Variants in DIAPH3 observed in about 807,000 individuals in gnomAD.
The protein encoded by DIAPH3 is protein diaphanous homolog 3.
DIAPH3 carries 117 observed loss-of-function variants against 144.3 expected under a neutral mutation model. The ratio of observed to expected loss-of-function variants is 0.81; its 90% CI spans 0.70 to 0.95. DIAPH3 has a LOEUF of 0.95. Ranked by LOEUF, DIAPH3 falls within the 40% of genes least tolerant of loss-of-function variation. The pLI is 0.00. For synonymous variants in DIAPH3, 519 were observed against 488.9 expected, an observed-to-expected ratio of 1.06 and a Z score of -0.81; for missense variants, 1,421 against 1,412.7, an observed-to-expected ratio of 1.01 and a Z score of -0.09.
intron 4 of DIAPH3, among the ~76,000 whole-genome samples, chr13:60,071,756 C>G (rs1475547324): frequency 2.0e-5 from 3 of 152,200 alleles, no homozygotes; most frequent in Admixed American, 2.0e-4. Flanking sequence ...TCTATCTATA[C>G]TTGATCCCTC....
At chr13:59,853,223 A>T (rs1284669044) in intron 22 of DIAPH3, among the ~76,000 whole-genome samples, 1 of 152,172 alleles carries the variant, frequency 6.6e-6, no homozygotes, top group Admixed American at 6.5e-5. Flanking sequence ...TCTATAATCT[A>T]ATTGCAAACA....
At chr13:59,869,857 TA>T (rs1251988819) in intron 21 of DIAPH3, among the ~76,000 whole-genome samples, 1 of 152,212 alleles carries the variant, frequency 6.6e-6, no homozygotes, top group Non-Finnish European at 1.5e-5. Context: ...TTCTTAGTTT[TA>T]AGAGTTTTTG....
intron 1 of DIAPH3, among the ~76,000 whole-genome samples, chr13:60,141,421 C>A (rs1368565243): frequency 6.6e-6 from 1 of 152,078 alleles, no homozygotes; most frequent in Non-Finnish European, 1.5e-5. Flanking sequence ...CAAGATAAAC[C>A]AATAACCAAA....
intron 5 of DIAPH3, among the ~76,000 whole-genome samples, chr13:60,022,628 G>A (rs1344050394): frequency 6.6e-6 from 1 of 152,184 alleles, no homozygotes; most frequent in Non-Finnish European, 1.5e-5. Flanking sequence ...GACTCTTCCT[G>A]TATCTCTGCC....
chr13:59,967,782 C>CA (rs1177496461), intron 17 of DIAPH3, among the ~76,000 whole-genome samples: 1 of 151,898 alleles, frequency 6.6e-6, no homozygotes, highest in Non-Finnish European at 1.5e-5. Flanking sequence ...AATGAAGTCC[C>CA]AAAAAAATAG....
chr13:59,869,420 G>A (rs760639172), intron 21 of DIAPH3, among the ~76,000 whole-genome samples: 1 of 152,094 alleles, frequency 6.6e-6, no homozygotes, highest in Non-Finnish European at 1.5e-5. Flanking sequence ...CAAGTTTTCC[G>A]TAGCACAAAG....
At chr13:59,689,790 A>AGTGT (rs57544810) in intron 27 of DIAPH3, among the ~76,000 whole-genome samples, 82,772 of 149,838 alleles carry the variant, frequency 0.55, 23,359 homozygotes, top group East Asian at 0.67. Flanking sequence ...TGTATTAAGC[A>AGTGT]GTGTGTGTGT....
chr13:59,802,044 A>G (rs1393092250), intron 25 of DIAPH3, among the ~76,000 whole-genome samples: 1 of 152,184 alleles, frequency 6.6e-6, no homozygotes, highest in Non-Finnish European at 1.5e-5. Context: ...ATTTCCTTCA[A>G]CTTTAAGGAT....
At chr13:59,909,852 G>A (rs2046907700) in intron 20 of DIAPH3, among the ~76,000 whole-genome samples, 1 of 152,132 alleles carries the variant, frequency 6.6e-6, no homozygotes, top group Non-Finnish European at 1.5e-5. Flanking sequence ...TGGTATCTGG[G>A]AATCCAGTTG....
At chr13:60,009,880 C>A (rs1022083096) in intron 8 of DIAPH3, among the ~76,000 whole-genome samples, 6 of 152,104 alleles carry the variant, frequency 3.9e-5, no homozygotes, top group African/African-American at 9.7e-5. Context: ...ACATTTTTAT[C>A]TTTTTTAAAA....
At chr13:60,010,134 AAT>A (rs1460056511) in intron 8 of DIAPH3, among the ~76,000 whole-genome samples, 1 of 152,040 alleles carries the variant, frequency 6.6e-6, no homozygotes, top group African/African-American at 2.4e-5. Flanking sequence ...TCCAAATCGT[AAT>A]ATGTTTGCTT....
chr13:60,042,742 G>T lies in DIAPH3; in HGVS notation c.574C>A (p.Leu192Ile), dbSNP rs1045646025. 3.7e-6 allele frequency: 6 copies of T among 1,613,766 alleles called. No individual in the cohort carries two copies. The African/African-American group carries it at 8.0e-5, about 22-fold the overall frequency. ...ELKMGSADER[L>I]VTCLESLRVS... ...CGGAGAGACTCCAGGCATGTGACAA[G>T]TCTCTCATCTGCAGACCCCATTTTC... The change falls in exon 5 of 28, where the codon CTT (leucine) becomes ATT (isoleucine). Residue 192 changes from leucine to isoleucine, a missense_variant. Coordinates refer to ENST00000400324, the MANE Select transcript of DIAPH3 (RefSeq NM_001042517.2).
chr13:59,817,164 GA>G, intron 24 of DIAPH3, among the ~76,000 whole-genome samples: 1 of 151,820 alleles, frequency 6.6e-6, no homozygotes, highest in East Asian at 1.9e-4. Flanking sequence ...ACTTGTGCAT[GA>G]AAAAATGTGT....
chr13:60,132,986 A>G lies in DIAPH3; in HGVS notation c.184T>C (p.Leu62=). 6.2e-7 allele frequency: 1 copy of G among 1,605,262 alleles called. No homozygotes were observed. The part of the protein sequence containing the change: ...EPGEKRPKFH[L]NIRTLTDDML... ...TCATCCGTCAGTGTCCTAATATTTA[A>G]ATGCTGCAAATTAAAAAAAAGCAAT... Residue 62 remains leucine (L), a synonymous_variant, in exon 2 of 28, where the codon TTA becomes CTA. Coordinates refer to ENST00000400324, the MANE Select transcript of DIAPH3 (RefSeq NM_001042517.2).
At chr13:59,893,363 A>G (rs148942830) in intron 20 of DIAPH3, among the ~76,000 whole-genome samples, 16 of 152,316 alleles carry the variant, frequency 1.1e-4, no homozygotes, top group African/African-American at 3.6e-4. Context: ...TTAAAATACT[A>G]TAAATGTGAT....
chr13:59,804,763 G>T (rs1436407417), intron 25 of DIAPH3, among the ~76,000 whole-genome samples: 2 of 152,054 alleles, frequency 1.3e-5, no homozygotes, highest in African/African-American at 4.8e-5. Flanking sequence ...AAAACTGAAA[G>T]CATTACTGCA....
At chr13:60,118,515 A>G (rs2058753979) in intron 2 of DIAPH3, among the ~76,000 whole-genome samples, 1 of 152,238 alleles carries the variant, frequency 6.6e-6, no homozygotes, top group African/African-American at 2.4e-5. Flanking sequence ...TATAGAATCA[A>G]TTCTATCCAA....
chr13:59,706,293 CG>C (rs2034423553), intron 27 of DIAPH3, among the ~76,000 whole-genome samples: 1 of 152,066 alleles, frequency 6.6e-6, no homozygotes, highest in Non-Finnish European at 1.5e-5. Context: ...GATGCTGAAC[CG>C]CTGGATACAG....
chr13:60,132,081 T>C (rs1031239366), intron 2 of DIAPH3, among the ~76,000 whole-genome samples: 2 of 152,232 alleles, frequency 1.3e-5, no homozygotes, highest in Non-Finnish European at 2.9e-5. Flanking sequence ...AAATATGCTT[T>C]TCTTAGGTAC....
Sources: gnomAD v4.1 joint callset for allele counts (sites outside exome capture counted in the v4.1 genomes callset) on GRCh38, gnomAD v4.1.1 for gene constraint, MANE v1.5 for transcripts, NCBI Gene and HGNC (gene_info 2026-07-23, HGNC 2026-07-21) for gene names.